The following SLC9A9 variants were observed in gnomAD, a reference collection of about 807,000 sequenced individuals.
The protein encoded by SLC9A9 is solute carrier family 9 member A9.
A neutral mutation model predicts 77.8 loss-of-function variants in SLC9A9; 62 were observed. The observed-to-expected ratio is 0.80, with a 90% CI of 0.65 to 0.98. The LOEUF (loss-of-function observed/expected upper bound fraction) is 0.98. SLC9A9 is among the 50% of genes least tolerant of loss of function. The pLI is 0.00. For synonymous variants in SLC9A9, 320 were observed against 283.5 expected (o/e 1.13, Z -1.29); for missense variants, 775 against 774.9 (o/e 1.00, Z 0.00).
intron 11 of SLC9A9, among the ~76,000 whole-genome samples, chr3:143,487,706 GA>G (rs2035676544): frequency 6.6e-6 from 1 of 151,686 alleles, no homozygotes; most frequent in African/African-American, 2.4e-5. Flanking sequence ...TGAATGATAA[GA>G]AAACACAACA....
chr3:143,301,506 T>C lies in SLC9A9; in HGVS notation c.1605-32526A>G, dbSNP rs112383585. ...CACCTATACTTGAGGGTGGAGGTCA[T>C]GCAGACAAAAAGCCTTCAGTAGGCA... On this transcript the variant is annotated intron_variant, in intron 14 of 15. Transcript: ENST00000316549. Among the ~76,000 whole-genome samples the C allele has an allele frequency of 6.2e-3, 938 of 152,298 alleles. 14 individuals are homozygous for C. Among genetic ancestry groups the C allele is most frequent in the African/African-American group, 0.021 (893 of 41,552 alleles).
At chr3:143,622,711 C>T (rs1443944715) in intron 6 of SLC9A9, among the ~76,000 whole-genome samples, 1 of 152,168 alleles carries the variant, frequency 6.6e-6, no homozygotes, top group African/African-American at 2.4e-5. Flanking sequence ...CATCAACTAA[C>T]AAGCAAAATA....
intron 9 of SLC9A9, among the ~76,000 whole-genome samples, chr3:143,505,821 T>A (rs138677057): frequency 0.012 from 1,791 of 152,306 alleles, 34 homozygotes; most frequent in Admixed American, 0.048. Context: ...TTCATTAAAC[T>A]GAATAAATAC....
intron 12 of SLC9A9, among the ~76,000 whole-genome samples, chr3:143,447,866 A>T (rs73867641): frequency 6.6e-6 from 1 of 152,208 alleles, no homozygotes; most frequent in Admixed American, 6.5e-5. Context: ...TGAAAGGTGA[A>T]TTAGGGATGT....
chr3:143,430,842 T>C (rs1265519693), intron 12 of SLC9A9, among the ~76,000 whole-genome samples: 2 of 152,094 alleles, frequency 1.3e-5, no homozygotes, highest in Non-Finnish European at 2.9e-5. Flanking sequence ...TTCTAGGAGA[T>C]TTGCTTTCCC....
chr3:143,292,467 C>T (rs769427167), intron 14 of SLC9A9, among the ~76,000 whole-genome samples: 10 of 152,088 alleles, frequency 6.6e-5, no homozygotes, highest in Admixed American at 3.3e-4. Flanking sequence ...GAACCCAAAT[C>T]GGCCTAGATT....
At chr3:143,520,739 T>A (rs1052955777) in intron 9 of SLC9A9, among the ~76,000 whole-genome samples, 31 of 152,196 alleles carry the variant, frequency 2.0e-4, no homozygotes, top group Non-Finnish European at 5.9e-5. Context: ...ACCCAGCTAG[T>A]CTGACTCCAG....
At chr3:143,329,824 G>A (rs2031712816) in intron 14 of SLC9A9, among the ~76,000 whole-genome samples, 1 of 152,158 alleles carries the variant, frequency 6.6e-6, no homozygotes, top group Non-Finnish European at 1.5e-5. Flanking sequence ...CCGGTGCACA[G>A]CAGCCCCGCT....
At chr3:143,540,407 C>T (rs2036667820) in intron 9 of SLC9A9, among the ~76,000 whole-genome samples, 1 of 152,104 alleles carries the variant, frequency 6.6e-6, no homozygotes, top group Admixed American at 6.5e-5. Context: ...AAGGCCCTCT[C>T]AGGGTTGTAG....
chr3:143,570,317 A>T (rs931202688), intron 8 of SLC9A9, among the ~76,000 whole-genome samples: 1 of 152,196 alleles, frequency 6.6e-6, no homozygotes, highest in African/African-American at 2.4e-5. Flanking sequence ...ATGGAACTTG[A>T]TTATCAAATT....
intron 2 of SLC9A9, among the ~76,000 whole-genome samples, chr3:143,813,380 CT>C (rs2008921166): frequency 1.3e-5 from 2 of 152,140 alleles, no homozygotes; most frequent in African/African-American, 2.4e-5. Flanking sequence ...CTTTAACCCC[CT>C]GATCCTGATC....
intron 9 of SLC9A9, among the ~76,000 whole-genome samples, chr3:143,498,811 T>A (rs1173448507): frequency 2.6e-5 from 4 of 152,166 alleles, no homozygotes; most frequent in African/African-American, 9.7e-5. Context: ...ATGAATGGAA[T>A]TGGACAATAC....
chr3:143,585,493 CATACT>C (rs2037525999), intron 6 of SLC9A9, among the ~76,000 whole-genome samples: 1 of 152,206 alleles, frequency 6.6e-6, no homozygotes, highest in Non-Finnish European at 1.5e-5. Flanking sequence ...ACATCTTACA[CATACT>C]ATACACTCAT....
intron 12 of SLC9A9, among the ~76,000 whole-genome samples, chr3:143,451,123 T>C (rs1293096192): frequency 3.3e-5 from 5 of 151,672 alleles, no homozygotes; most frequent in South Asian, 2.1e-4. Flanking sequence ...ACTGGCCAAC[T>C]ACAATCTCTA....
intron 4 of SLC9A9, among the ~76,000 whole-genome samples, chr3:143,781,041 T>C (rs1186829429): frequency 6.6e-6 from 1 of 152,196 alleles, no homozygotes; most frequent in Non-Finnish European, 1.5e-5. Context: ...ATATACTCTC[T>C]CACCCCATTT....
At chr3:143,671,450 C>T (rs1047801915) in intron 5 of SLC9A9, among the ~76,000 whole-genome samples, 3 of 152,282 alleles carry the variant, frequency 2.0e-5, no homozygotes, top group African/African-American at 4.8e-5. Context: ...ATTTGCTGCA[C>T]CTCAATTATT....
At chr3:143,270,112 A>C (rs974337152) in intron 14 of SLC9A9, among the ~76,000 whole-genome samples, 5 of 152,198 alleles carry the variant, frequency 3.3e-5, no homozygotes, top group African/African-American at 9.7e-5. Flanking sequence ...AGATGTTAGG[A>C]GGGCCTGCAA....
intron 2 of SLC9A9, among the ~76,000 whole-genome samples, chr3:143,817,019 A>G (rs1179086865): frequency 6.6e-6 from 1 of 152,184 alleles, no homozygotes; most frequent in East Asian, 1.9e-4. Flanking sequence ...TCTGGTTACT[A>G]TTCTGCTTTG....
Position 143,495,339 on chromosome 3 carries a change from G to T in SLC9A9, c.1199C>A (p.Ala400Asp), listed in dbSNP as rs187395337. The change falls in exon 10 of 16, where the codon GCC (alanine) becomes GAC (aspartate). Residue 400 changes from alanine (A) to aspartate (D), a missense_variant. Physicochemically the swap from Ala to Asp is moderately radical, Grantham distance 126 (BLOSUM62 -2). Transcript: ENST00000316549. Reference sequence around the variant, plus strand: ...GTTCTGTATTTCAAAGGATACAAAGGCTCCAAGTATAAAAAGAGCATTAAA... The same window carrying T: ...GTTCTGTATTTCAAAGGATACAAAGTCTCCAAGTATAAAAAGAGCATTAAA... ...HIFNALFILG[A>D]FLAIFVARAC... 3.1e-6 allele frequency: 5 copies of T among 1,609,264 alleles called. No homozygotes were observed. Among genetic ancestry groups the T allele is most frequent in the East Asian group, 2.2e-5 (1 of 44,850 alleles).
Sources: gnomAD v4.1 joint callset for allele counts (sites outside exome capture counted in the v4.1 genomes callset) on GRCh38, gnomAD v4.1.1 for gene constraint, MANE v1.5 for transcripts, NCBI Gene and HGNC (gene_info 2026-07-23, HGNC 2026-07-21) for gene names.